IL16: variants seen among roughly 807,000 people sequenced by gnomAD.
IL16 encodes the protein interleukin 16.
Under a neutral mutation model 110.1 loss-of-function variants are expected in IL16, and 67 were observed. The observed-to-expected ratio is 0.61, with a 90% confidence interval of 0.50 to 0.75. IL16 has a LOEUF of 0.75. IL16 is among the 30% of genes least tolerant of loss of function. The probability of loss-of-function intolerance (pLI) is 0.00; values close to 1 mark genes in which losing one functional copy is unlikely to be tolerated. For missense variants in IL16, 1,545 were observed against 1,655.0 expected (o/e 0.93, Z 1.15); for synonymous variants, 689 against 662.9 (o/e 1.04, Z -0.61).
chr15:81,201,217 G>T lies in IL16; in HGVS notation c.-102+4065G>T, dbSNP rs1426824310. ...AATATATCTAAAAATAATCTTAAAAGACATGATATGTAATTTCTTACCAAA... is the reference window on the plus strand; with the variant it reads ...AATATATCTAAAAATAATCTTAAAATACATGATATGTAATTTCTTACCAAA... On this transcript the variant is annotated intron_variant, in intron 1 of 18. Transcript: ENST00000683961. 1.1e-4 allele frequency among the ~76,000 whole-genome samples: 16 copies of T among 151,780 alleles called. No homozygotes were observed. The Admixed American group carries it at 1.1e-3, about 10-fold the overall frequency.
chr15:81,196,873 T>G (rs1382115201), upstream of IL16: 2 of 1,156,402 alleles, frequency 1.7e-6, no homozygotes, highest in African/African-American at 3.3e-5. Context: ...CCATGCCAGG[T>G]GGGACACATT....
chr15:81,225,775 T>C, intron 2 of IL16, 64 bp downstream of exon 2: 1 of 1,324,390 alleles, frequency 7.6e-7, no homozygotes, highest in East Asian at 2.5e-5. Flanking sequence ...TGAATTAAAG[T>C]CTTTGAATCC....
intron 1 of IL16, among the ~76,000 whole-genome samples, chr15:81,216,569 C>T (rs1362289439): frequency 2.6e-5 from 4 of 152,126 alleles, no homozygotes; most frequent in African/African-American, 4.8e-5. Context: ...TGCATGTAGT[C>T]GGCCATCTTG....
chr15:81,233,385 T>C (rs892579429), intron 2 of IL16, among the ~76,000 whole-genome samples: 9 of 152,146 alleles, frequency 5.9e-5, no homozygotes, highest in Admixed American at 5.2e-4. Flanking sequence ...ATACTTGTTA[T>C]TTTTTAGGCA....
intron 1 of IL16, among the ~76,000 whole-genome samples, chr15:81,189,353 A>G (rs140742223): frequency 2.1e-3 from 326 of 152,148 alleles, no homozygotes; most frequent in African/African-American, 7.2e-3. Flanking sequence ...CCAACTCCTG[A>G]TCTCAAATGA....
At chr15:81,279,401 A>G (rs1899064744) in intron 7 of IL16, among the ~76,000 whole-genome samples, 157 bp from the exon 8 acceptor site, 2 of 152,252 alleles carry the variant, frequency 1.3e-5, no homozygotes, top group East Asian at 1.9e-4. Context: ...GTATATATAC[A>G]AATATGTCAT....
chr15:81,232,527 C>T (rs1897044287), intron 2 of IL16, among the ~76,000 whole-genome samples: 1 of 152,100 alleles, frequency 6.6e-6, no homozygotes, highest in African/African-American at 2.4e-5. Context: ...TCACAATTGG[C>T]AGAGGTTTTA....
rs777448128 is a variant in IL16 at position 81,301,463 on chromosome 15, T to TA, written c.3276dup (p.Leu1093ThrfsTer10). ...ATCTCCCTGCTGAGCTCAGAAGAAT[T>TA]AAAAAAACTCATCGAGGAGGTGAAG... On this transcript the variant is annotated frameshift_variant, in exon 15 of 19. Coordinates refer to ENST00000683961, the MANE Select transcript of IL16 (RefSeq NM_172217.5). LOFTEE classifies it high-confidence loss of function. 5.6e-6 allele frequency: 9 copies of TA among 1,613,752 alleles called. No homozygotes were observed. The highest frequency in any genetic ancestry group is 1.1e-5 in the South Asian group (1 of 91,056).
At chr15:81,273,012 C>T in intron 5 of IL16, 78 bp from the exon 6 acceptor site, 1 of 1,114,820 alleles carries the variant, frequency 9.0e-7, no homozygotes, top group Non-Finnish European at 1.4e-6. Flanking sequence ...AGGGCTGAGG[C>T]AGGCCCTCAG....
At chr15:81,287,289 G>A (rs146195644) in intron 10 of IL16, among the ~76,000 whole-genome samples, 1 of 152,320 alleles carries the variant, frequency 6.6e-6, no homozygotes, top group African/African-American at 2.4e-5. Flanking sequence ...GCTTGGGAGG[G>A]AGAGAAGAGC....
chr15:81,258,416 A>G (rs1346189608), intron 2 of IL16, among the ~76,000 whole-genome samples: 1 of 152,216 alleles, frequency 6.6e-6, no homozygotes, highest in African/African-American at 2.4e-5. Flanking sequence ...AGAAAATTTG[A>G]TTGTCTAGTC....
intron 2 of IL16, among the ~76,000 whole-genome samples, chr15:81,244,862 CA>C (rs1215893847): frequency 6.6e-6 from 1 of 152,026 alleles, no homozygotes; most frequent in African/African-American, 2.4e-5. Context: ...ATTTTTTTCC[CA>C]GTCTATTTTT....
chr15:81,313,501 C>T lies in IL16; in HGVS notation c.*4703C>T. The T allele has an allele frequency of 8.3e-7, 1 of 1,202,834 alleles. No homozygotes were observed. The highest frequency in any genetic ancestry group is 1.1e-6 in the Non-Finnish European group (1 of 895,508). The allele number at this position is 1,202,834 out of a possible 1,614,324, so 74.5% of individuals were successfully genotyped here. On this transcript the variant is annotated 3_prime_UTR_variant, in exon 19 of 19. Transcript: ENST00000683961. ...CAGAGCCCAGCCCAGTGGAAATGGC[C>T]ATGATACAGTGATCGCGTCTCATCC...
chr15:81,252,018 A>T (rs527627332), intron 2 of IL16, among the ~76,000 whole-genome samples: 3 of 152,240 alleles, frequency 2.0e-5, no homozygotes, highest in African/African-American at 7.2e-5. Context: ...ACAACTATGG[A>T]TATTTTAATC....
At chr15:81,297,146 G>A (rs563395697) in intron 13 of IL16, 68 bp downstream of exon 13, 48 of 1,486,276 alleles carry the variant, frequency 3.2e-5, no homozygotes, top group Non-Finnish European at 4.4e-5. Flanking sequence ...TAAGATAAGA[G>A]CACAAATTGG....
chr15:81,224,298 C>T (rs894856518), intron 1 of IL16, among the ~76,000 whole-genome samples: 1 of 152,214 alleles, frequency 6.6e-6, no homozygotes, highest in African/African-American at 2.4e-5. Flanking sequence ...GAGCATCCCA[C>T]AATTTGTTGT....
intron 2 of IL16, among the ~76,000 whole-genome samples, chr15:81,244,751 A>G (rs917711093): frequency 2.6e-5 from 4 of 152,162 alleles, no homozygotes; most frequent in African/African-American, 4.8e-5. Context: ...GTGCTCAGCC[A>G]TTATTTATGA....
chr15:81,278,696 T>C (rs1169296512), intron 6 of IL16, 121 bp from the exon 7 acceptor site: 1 of 734,400 alleles, frequency 1.4e-6, no homozygotes, highest in Admixed American at 1.9e-5. Flanking sequence ...GAAAATGTTC[T>C]TCCAGAGCTT....
At chr15:81,223,046 G>A (rs1485438608) in intron 1 of IL16, among the ~76,000 whole-genome samples, 2 of 152,126 alleles carry the variant, frequency 1.3e-5, no homozygotes, top group South Asian at 2.1e-4. Context: ...AGCTTAAAAC[G>A]TATGTATTCT....
Sources: allele counts gnomAD v4.1 joint callset (sites outside exome capture counted in the v4.1 genomes callset), GRCh38; gene constraint gnomAD v4.1.1; transcripts MANE v1.5; gene names NCBI Gene and HGNC (gene_info 2026-07-23, HGNC 2026-07-21).